The following RGS6 variants were observed in gnomAD, a reference collection of about 807,000 sequenced individuals.
RGS6 encodes regulator of G-protein signaling 6.
Under a neutral mutation model 78.5 loss-of-function variants are expected in RGS6, and 30 were observed. The ratio of observed to expected loss-of-function variants is 0.38; its 90% CI spans 0.29 to 0.52. RGS6 has a LOEUF of 0.52. RGS6 is among the 20% of genes least tolerant of loss of function. RGS6 has a pLI of 0.85. For missense variants in RGS6, 495 were observed against 609.7 expected, an observed-to-expected ratio of 0.81 and a Z score of 1.98; for synonymous variants, 206 against 206.0, an observed-to-expected ratio of 1.00 and a Z score of 0.00.
At chr14:72,201,222 A>G (rs2041503605) in intron 2 of RGS6, among the ~76,000 whole-genome samples, 1 of 152,212 alleles carries the variant, frequency 6.6e-6, no homozygotes, top group African/African-American at 2.4e-5. Context: ...ATGTTCACAT[A>G]TATCAGGATC....
At chr14:72,376,336 G>A (rs978063757) in intron 3 of RGS6, among the ~76,000 whole-genome samples, 1 of 152,074 alleles carries the variant, frequency 6.6e-6, no homozygotes, top group African/African-American at 2.4e-5. Context: ...TAATAAAAAG[G>A]AATTAAGTCA....
At chr14:72,313,696 A>G (rs1167218081) in intron 2 of RGS6, among the ~76,000 whole-genome samples, 7 of 152,216 alleles carry the variant, frequency 4.6e-5, no homozygotes, top group African/African-American at 1.7e-4. Context: ...CCAATAAAAT[A>G]AAGAACTAAC....
Position 72,495,273 on chromosome 14 carries a change from T to G in RGS6, c.965+11T>G. ...GGACATAGAGATGAGGTAAAAAATG[T>G]TTTAAGGTTTGGGAGTGGGATGAAT... is the stretch of plus-strand genomic sequence containing the variant. On this transcript the variant is annotated intron_variant, in intron 13 of 17. Coordinates refer to ENST00000553525, the MANE Select transcript of RGS6 (RefSeq NM_001204424.2). The G allele has an allele frequency of 6.4e-7, 1 of 1,560,148 alleles. No individual in the cohort carries two copies. Among genetic ancestry groups the G allele is most frequent in the African/African-American group, 1.4e-5 (1 of 73,968 alleles).
intron 2 of RGS6, among the ~76,000 whole-genome samples, chr14:72,169,891 C>CTGCA (rs1239277773): frequency 6.6e-6 from 1 of 152,090 alleles, no homozygotes; most frequent in African/African-American, 2.4e-5. Flanking sequence ...GAATCCGAAT[C>CTGCA]TGCATTTTAC....
chr14:72,414,396 G>A (rs1243625715), intron 3 of RGS6, among the ~76,000 whole-genome samples: 1 of 152,204 alleles, frequency 6.6e-6, no homozygotes, highest in Non-Finnish European at 1.5e-5. Context: ...TAGTTCTCGT[G>A]CCGTGGTTTT....
intron 2 of RGS6, among the ~76,000 whole-genome samples, chr14:72,080,834 T>G (rs921888305): frequency 6.6e-6 from 1 of 152,120 alleles, no homozygotes; most frequent in Non-Finnish European, 1.5e-5. Context: ...CCATTGACTA[T>G]GTGGATTTAT....
intron 2 of RGS6, among the ~76,000 whole-genome samples, chr14:72,185,828 C>G (rs1414570672): frequency 3.3e-5 from 5 of 152,228 alleles, no homozygotes; most frequent in Non-Finnish European, 7.4e-5. Context: ...TTATGTAATC[C>G]CAGCTACTCA....
At chr14:72,117,340 C>A (rs1187376215) in intron 2 of RGS6, among the ~76,000 whole-genome samples, 1 of 152,090 alleles carries the variant, frequency 6.6e-6, no homozygotes, top group Non-Finnish European at 1.5e-5. Context: ...TCCCTGAGGT[C>A]ATGAGTTCAC....
chr14:71,918,072 T>C, the RGS6 span, among the ~76,000 whole-genome samples: 9,294 of 151,176 alleles, frequency 0.061, 387 homozygotes, highest in Non-Finnish European at 0.091. Context: ...TCCCAGCTAC[T>C]CGGGAGGCTG....
chr14:72,407,948 C>T (rs899780037), intron 3 of RGS6, among the ~76,000 whole-genome samples: 1 of 152,204 alleles, frequency 6.6e-6, no homozygotes. Context: ...AACTATGAAA[C>T]CTCCAGGCTT....
the RGS6 span, among the ~76,000 whole-genome samples, chr14:72,585,650 G>T: frequency 7.9e-5 from 12 of 152,210 alleles, no homozygotes; most frequent in Non-Finnish European, 1.8e-4. Context: ...GGACAAGATG[G>T]CTGTCTTCAG....
intron 3 of RGS6, among the ~76,000 whole-genome samples, chr14:72,414,735 G>A (rs763592220): frequency 2.6e-4 from 40 of 152,082 alleles, no homozygotes; most frequent in Non-Finnish European, 5.0e-4. Context: ...TTTTTGGTGT[G>A]GATGTCCTTT....
chr14:72,483,188 C>G (rs2096416146), intron 12 of RGS6, among the ~76,000 whole-genome samples: 1 of 152,188 alleles, frequency 6.6e-6, no homozygotes, highest in African/African-American at 2.4e-5. Flanking sequence ...CCCAAACTGT[C>G]TAGTCTCCAT....
chr14:72,582,801 CTGGTTCATCA>C, the RGS6 span, among the ~76,000 whole-genome samples: 1 of 152,132 alleles, frequency 6.6e-6, no homozygotes, highest in African/African-American at 2.4e-5. Context: ...TCCACCCTGT[CTGGTTCATCA>C]TGGTGTGATG....
chr14:72,093,492 C>T (rs986446677), intron 2 of RGS6, among the ~76,000 whole-genome samples: 2 of 152,224 alleles, frequency 1.3e-5, no homozygotes, highest in African/African-American at 4.8e-5. Flanking sequence ...GGTCCTCCCT[C>T]CTTGGCCTCC....
At chr14:71,875,847 T>G in the RGS6 span, among the ~76,000 whole-genome samples, 1 of 152,350 alleles carries the variant, frequency 6.6e-6, no homozygotes, top group Non-Finnish European at 1.5e-5. Flanking sequence ...ATGTTGTGTC[T>G]TTGTTCTCAT....
chr14:72,142,333 A>G (rs2096551543), intron 2 of RGS6, among the ~76,000 whole-genome samples: 1 of 151,686 alleles, frequency 6.6e-6, no homozygotes. Context: ...AAGAGAGGAG[A>G]GAGATGACAT....
chr14:72,104,606 A>T (rs76263126), intron 2 of RGS6, among the ~76,000 whole-genome samples: 61 of 152,124 alleles, frequency 4.0e-4, no homozygotes, highest in Non-Finnish European at 2.6e-4. Flanking sequence ...GTGGCCTTTG[A>T]TGCCTCAGTT....
At chr14:72,112,767 AC>A (rs533712046) in intron 2 of RGS6, among the ~76,000 whole-genome samples, 1 of 152,218 alleles carries the variant, frequency 6.6e-6, no homozygotes, top group South Asian at 2.1e-4. Flanking sequence ...TCCAAGTCTA[AC>A]CCAGATTGAT....
Sources: allele counts gnomAD v4.1 joint callset (sites outside exome capture counted in the v4.1 genomes callset), GRCh38; gene constraint gnomAD v4.1.1; transcripts MANE v1.5; gene names NCBI Gene and HGNC (gene_info 2026-07-23, HGNC 2026-07-21).